POR: variants seen among roughly 807,000 people sequenced by gnomAD.
POR encodes the protein cytochrome p450 oxidoreductase.
In POR, 56 loss-of-function variants were observed where a neutral mutation model predicts 84.0. That is an observed-to-expected ratio of 0.67 (90% CI 0.54 to 0.83). POR has a LOEUF of 0.83. POR is among the 40% of genes least tolerant of loss of function. The pLI, the probability that POR is intolerant of heterozygous loss-of-function variation, is 0.00. For missense variants in POR, 938 were observed against 944.3 expected (o/e 0.99, Z 0.09); for synonymous variants, 414 against 400.5 (o/e 1.03, Z -0.40).
chr7:75,957,365 G>A (rs868961653), intron 2 of POR, among the ~76,000 whole-genome samples: 1 of 152,224 alleles, frequency 6.6e-6, no homozygotes, highest in Non-Finnish European at 1.5e-5. Context: ...TCCAGGGCTG[G>A]TACACGGGGC....
intron 2 of POR, among the ~76,000 whole-genome samples, chr7:75,957,509 C>CGT (rs1485195168): frequency 6.6e-6 from 1 of 151,006 alleles, no homozygotes; most frequent in Admixed American, 6.7e-5. Flanking sequence ...GCCCCACCGC[C>CGT]GTGAGTGAGG....
chr7:75,977,015 T>TA (rs1788727287), intron 3 of POR, among the ~76,000 whole-genome samples: 1 of 152,084 alleles, frequency 6.6e-6, no homozygotes, highest in Non-Finnish European at 1.5e-5. Context: ...CACACCCAGA[T>TA]AAATTTTTTG....
chr7:75,932,043 C>T (rs576654476), intron 1 of POR, among the ~76,000 whole-genome samples: 4 of 152,236 alleles, frequency 2.6e-5, no homozygotes, highest in African/African-American at 9.6e-5. Context: ...AGCTTAGCAG[C>T]GTGCCTTGAA....
chr7:75,960,815 C>T (rs947063195), intron 2 of POR, among the ~76,000 whole-genome samples: 5 of 152,118 alleles, frequency 3.3e-5, no homozygotes, highest in African/African-American at 1.2e-4. Flanking sequence ...AGAGAATGGC[C>T]GTTGAATTAA....
At chr7:75,940,276 G>A (rs1474774359) in intron 1 of POR, among the ~76,000 whole-genome samples, 1 of 146,296 alleles carries the variant, frequency 6.8e-6, no homozygotes, top group African/African-American at 2.5e-5. Context: ...TAGTAGAGAT[G>A]GGGTTTCGCC....
In POR at chr7:75,984,768, T is replaced by C. The variant is rs782037492; in HGVS notation, c.1067-9T>C. ...CCTACCCCAAGTCCTGCCTGTCTCT[T>C]CCCTGCAGAGGAGTCCAACAAGAAG... On this transcript the variant is annotated splice_polypyrimidine_tract_variant and intron_variant, in intron 10 of 15. Transcript: ENST00000461988. 6.2e-7 allele frequency: 1 copy of C among 1,612,014 alleles called. No individual in the cohort carries two copies. Among genetic ancestry groups the C allele is most frequent in the Non-Finnish European group, 8.5e-7 (1 of 1,179,456 alleles).
intron 1 of POR, among the ~76,000 whole-genome samples, chr7:75,948,337 GC>G (rs1554552355): frequency 6.6e-6 from 1 of 152,236 alleles, no homozygotes. Flanking sequence ...CGCTGGGAGT[GC>G]CCAGTGTGCT....
rs374549816 is a variant in POR at position 75,927,895 on chromosome 7, TC to T, written c.-5+12718del. On this transcript the variant is annotated intron_variant, in intron 1 of 15. Transcript: ENST00000461988. The stretch of plus-strand genomic sequence containing the variant: ...CATGTTGGCTAGACTGGTCTCGAAC[TC>T]CTGACCTCAAGTGATCTTGCCCTCC... Among the ~76,000 whole-genome samples, 342 of 151,420 alleles carry T rather than the reference TC, an allele frequency of 2.3e-3. 2 individuals carry two copies. The highest frequency in any genetic ancestry group is 8.0e-3 in the African/African-American group (329 of 41,134).
intron 1 of POR, among the ~76,000 whole-genome samples, chr7:75,951,173 T>C (rs1188497798): frequency 6.7e-6 from 1 of 148,440 alleles, no homozygotes; most frequent in East Asian, 2.0e-4. Context: ...AGCAGGCAGA[T>C]CACCTGAGGT....
In POR at chr7:75,932,544, TC is replaced by T. The variant is rs374145673; in HGVS notation, c.-5+17367del. Among the ~76,000 whole-genome samples, 26 of 152,118 alleles carry T rather than the reference TC, an allele frequency of 1.7e-4. No individual in the cohort carries two copies. In the East Asian group the frequency reaches 5.0e-3, roughly 29 times the overall value. On this transcript the variant is annotated intron_variant, in intron 1 of 15. Transcript: ENST00000461988. ...AAGACTTATGTTGAAAATATATCAA[TC>T]CTGTTTTTCATGACTTTTTTAAAAA...
At chr7:75,936,754 A>C (rs893985404) in intron 1 of POR, among the ~76,000 whole-genome samples, 6 of 151,944 alleles carry the variant, frequency 3.9e-5, no homozygotes, top group Non-Finnish European at 8.8e-5. Flanking sequence ...AGCCGACTTC[A>C]GAACTGATCT....
At chr7:75,945,418 C>T (rs1554552023) in intron 1 of POR, 3 of 152,232 alleles carry the variant, frequency 2.0e-5, no homozygotes, top group Non-Finnish European at 4.4e-5. Context: ...TCTGCACCAA[C>T]ATCTCAGTAC....
At chr7:75,939,190 T>C (rs1554551196) in intron 1 of POR, among the ~76,000 whole-genome samples, 2 of 152,208 alleles carry the variant, frequency 1.3e-5, no homozygotes. Flanking sequence ...GCTGCACGCA[T>C]GGACGTAAGA....
At chr7:75,976,645 G>GCTGA (rs1356745462) in intron 3 of POR, among the ~76,000 whole-genome samples, 2 of 151,406 alleles carry the variant, frequency 1.3e-5, no homozygotes, top group Non-Finnish European at 2.9e-5. Context: ...TATTCAGGAG[G>GCTGA]CTGAGGCAGG....
intron 1 of POR, among the ~76,000 whole-genome samples, chr7:75,938,109 C>T (rs755504086): frequency 2.6e-5 from 4 of 152,308 alleles, no homozygotes; most frequent in Non-Finnish European, 5.9e-5. Context: ...CCCCCAGTCA[C>T]GCTTGCACAG....
Position 75,985,744 on chromosome 7 carries a change from C to A in POR, c.1564C>A (p.Arg522Ser). 1 of 1,585,256 alleles carries A rather than the reference C, an allele frequency of 6.3e-7. No homozygotes were observed. Among genetic ancestry groups the A allele is most frequent in the East Asian group, 2.3e-5 (1 of 43,266 alleles). ...CATGTTCGTGCGCAAGTCCCAGTTC[C>A]GCCTGCCCTTCAAGGCCACCACGCC... Residue 522 changes from arginine to serine, a missense_variant, in exon 13 of 16, where the codon CGC becomes AGC. By Grantham distance (110) the Arg-to-Ser change is moderately radical (BLOSUM62 -1). Transcript: ENST00000461988.
intron 1 of POR, among the ~76,000 whole-genome samples, chr7:75,941,726 C>T (rs951363267): frequency 6.6e-6 from 1 of 152,074 alleles, no homozygotes; most frequent in African/African-American, 2.4e-5. Context: ...ACCTGTAATC[C>T]CAGCACTTTG....
chr7:75,971,276 A>C (rs1321981001), intron 2 of POR, among the ~76,000 whole-genome samples: 4 of 152,102 alleles, frequency 2.6e-5, no homozygotes, highest in African/African-American at 9.7e-5. Flanking sequence ...TGTCATTTTA[A>C]ATACAAAAAT....
intron 1 of POR, among the ~76,000 whole-genome samples, chr7:75,922,242 CT>C (rs2116211769): frequency 6.6e-6 from 1 of 151,604 alleles, no homozygotes; most frequent in East Asian, 1.9e-4. Context: ...AATATGGCTT[CT>C]GTCCCCCAAG....
Sources: gnomAD v4.1 joint callset for allele counts (sites outside exome capture counted in the v4.1 genomes callset) on GRCh38, gnomAD v4.1.1 for gene constraint, MANE v1.5 for transcripts, NCBI Gene and HGNC (gene_info 2026-07-23, HGNC 2026-07-21) for gene names.